Variants in KCTD7 observed in about 807,000 individuals in gnomAD.
KCTD7 encodes potassium channel tetramerization domain containing 7.
Under a neutral mutation model 27.0 loss-of-function variants are expected in KCTD7, and 15 were observed. The ratio of observed to expected loss-of-function variants is 0.56; its 90% CI spans 0.37 to 0.86. The LOEUF (loss-of-function observed/expected upper bound fraction) is 0.86, where lower values mean the gene tolerates loss of function less well. Among genes scored for constraint, KCTD7 ranks in the 40% least tolerant of loss-of-function variants. The pLI is 0.00. For synonymous variants in KCTD7, 159 were observed against 162.7 expected (o/e 0.98, Z 0.17); for missense variants, 299 against 398.9 (o/e 0.75, Z 2.13).
In KCTD7 at chr7:66,641,020, T is replaced by G. The variant is rs1235293936; in HGVS notation, c.*1788T>G. Reference sequence around the variant, plus strand: ...GACGGCAGTGATCTCCTGTTCCCTATGTGTAAACAAAGATTCCAGGGCGTG... The same window carrying G: ...GACGGCAGTGATCTCCTGTTCCCTAGGTGTAAACAAAGATTCCAGGGCGTG... On this transcript the variant is annotated 3_prime_UTR_variant, in exon 4 of 4. Transcript: ENST00000639828. 3 of 985,306 alleles carry G rather than the reference T, an allele frequency of 3.0e-6. No homozygotes were observed. The highest frequency in any genetic ancestry group is 1.7e-5 in the African/African-American group (1 of 57,206). The allele number at this position is 985,306 out of a possible 1,614,324, so 61.0% of individuals were successfully genotyped here.
In KCTD7 at chr7:66,639,266, G is replaced by T. The variant is rs749877863; in HGVS notation, c.*34G>T. The T allele has an allele frequency of 6.2e-7, 1 of 1,604,116 alleles. No homozygotes were observed. The highest frequency in any genetic ancestry group is 1.1e-5 in the South Asian group (1 of 91,042). On this transcript the variant is annotated 3_prime_UTR_variant, in exon 4 of 4. Transcript: ENST00000639828. ...GGTAGGCGAGAGTCCCATCAGGGAG[G>T]ATGTCCACCTTGCTTGGTGGCTCTG... is the stretch of plus-strand genomic sequence containing the variant.
chr7:66,633,593 A>ATATTTT, intron 2 of KCTD7, 149 bp downstream of exon 2: 3 of 635,572 alleles, frequency 4.7e-6, no homozygotes, highest in East Asian at 6.0e-5. Context: ...AAAGAGATCA[A>ATATTTT]TTTTTTTTTT....
At chr7:66,633,541 A>C (rs1786505405) in intron 2 of KCTD7, 97 bp downstream of exon 2, 1 of 1,140,282 alleles carries the variant, frequency 8.8e-7, no homozygotes, top group Non-Finnish European at 1.3e-6. Context: ...TACCTAGAAG[A>C]GGAGATAGCA....
intron 2 of KCTD7, among the ~76,000 whole-genome samples, chr7:66,633,891 G>A (rs1308132351): frequency 6.6e-6 from 1 of 151,802 alleles, no homozygotes; most frequent in Non-Finnish European, 1.5e-5. Context: ...AGGAAGCTGA[G>A]GTCGAAGAAT....
chr7:66,641,391 A>G lies in KCTD7; in HGVS notation c.*2159A>G, dbSNP rs995580760. 9.1e-6 allele frequency: 9 copies of G among 985,382 alleles called. No homozygotes were observed. In the East Asian group the frequency reaches 3.4e-4, roughly 37 times the overall value. 61.0% of individuals were successfully genotyped at this position (985,382 alleles called of 1,614,324 possible). On this transcript the variant is annotated 3_prime_UTR_variant, in exon 4 of 4. Coordinates refer to ENST00000639828, the MANE Select transcript of KCTD7 (RefSeq NM_153033.5). Reference sequence around the variant, plus strand: ...CATTGCTTTCAGTAATGTGGCCTTGACCCCTTCTGCTTCCCCCTTCTCCCA... The same window carrying G: ...CATTGCTTTCAGTAATGTGGCCTTGGCCCCTTCTGCTTCCCCCTTCTCCCA...
chr7:66,637,250 T>A (rs1786609114), intron 2 of KCTD7, among the ~76,000 whole-genome samples: 1 of 152,158 alleles, frequency 6.6e-6, no homozygotes, highest in Admixed American at 6.5e-5. Flanking sequence ...CATACCTGGC[T>A]AATTTTTGTA....
At chr7:66,629,992 C>T (rs1786411122) in intron 1 of KCTD7, among the ~76,000 whole-genome samples, 1 of 152,166 alleles carries the variant, frequency 6.6e-6, no homozygotes, top group Non-Finnish European at 1.5e-5. Context: ...GGAGAAGATA[C>T]CAGGCATGGT....
In KCTD7 at chr7:66,641,889, C is replaced by A; in HGVS notation, c.*2657C>A. The A allele has an allele frequency of 1.0e-6, 1 of 985,374 alleles. No homozygotes were observed. The highest frequency in any genetic ancestry group is 1.2e-6 in the Non-Finnish European group (1 of 829,916). 61.0% of individuals were successfully genotyped at this position (985,374 alleles called of 1,614,324 possible). A position where few individuals can be genotyped will look rare whatever the true frequency, so the allele number is the denominator to read the frequency against. ...CAACTCTAAATGGCCAGGCCCAGAA[C>A]AGAAGAAGGGTTGGGTCTGGAAGGA... On this transcript the variant is annotated 3_prime_UTR_variant, in exon 4 of 4. Coordinates refer to ENST00000639828, the MANE Select transcript of KCTD7 (RefSeq NM_153033.5).
At chr7:66,629,447 C>T (rs921008210) in intron 1 of KCTD7, among the ~76,000 whole-genome samples, 1 of 151,992 alleles carries the variant, frequency 6.6e-6, no homozygotes, top group African/African-American at 2.4e-5. Context: ...CACCCTCCGC[C>T]CAGTAGTCAC....
At chr7:66,635,597 A>T (rs917059201) in intron 2 of KCTD7, among the ~76,000 whole-genome samples, 2 of 149,624 alleles carry the variant, frequency 1.3e-5, no homozygotes, top group African/African-American at 5.0e-5. Context: ...AGTGCCCAGG[A>T]GGCAGAAACT....
rs148095742 is a variant in KCTD7, at chr7:66,642,657, A to G, written c.*3425A>G. On this transcript the variant is annotated 3_prime_UTR_variant, in exon 4 of 4. Transcript: ENST00000639828. The stretch of plus-strand genomic sequence containing the variant: ...ACATTATTAAGCTTTCTTGGGTACT[A>G]TTTTGCTGGGGCTCTTGCGTGAAGG... 1.4e-5 allele frequency: 14 copies of G among 985,284 alleles called. No homozygotes were observed. Among genetic ancestry groups the G allele is most frequent in the East Asian group, 1.1e-4 (1 of 8,812 alleles). The allele number at this position is 985,284 out of a possible 1,614,324, so 61.0% of individuals were successfully genotyped here.
chr7:66,629,045 C>T lies in KCTD7; in HGVS notation c.-20C>T, dbSNP rs920934895. On this transcript the variant is annotated 5_prime_UTR_variant, in exon 1 of 4. Transcript: ENST00000639828. ...GCCTCCGCCCGCCCGAAGCCGCGCC[C>T]ACTGCCCAGAGCCAGAGGGATGGTG... is the stretch of plus-strand genomic sequence containing the variant. The T allele has an allele frequency of 2.0e-6, 3 of 1,496,968 alleles. No individual in the cohort carries two copies. Among genetic ancestry groups the T allele is most frequent in the Non-Finnish European group, 1.8e-6 (2 of 1,121,264 alleles). The allele number at this position is 1,496,968 out of a possible 1,614,324, so 92.7% of individuals were successfully genotyped here.
At position 66,633,239 on chromosome 7, in the gene KCTD7, G is replaced by A. The variant is rs3764905; in HGVS notation, c.145-36G>A. 3.4e-4 allele frequency: 554 copies of A among 1,610,656 alleles called. 2 individuals carry two copies. The East Asian group carries it at 8.5e-3, about 25-fold the overall frequency. Reference sequence around the variant, plus strand: ...GGAGCAGCCCCAGCTCTCATTCCCCGTTGCCTGCCTGAGAGCCCTGGTGAT... The same window carrying A: ...GGAGCAGCCCCAGCTCTCATTCCCCATTGCCTGCCTGAGAGCCCTGGTGAT... On this transcript the variant is annotated intron_variant, in intron 1 of 3. Transcript: ENST00000639828.
In KCTD7 at chr7:66,642,992, G is replaced by C. The variant is rs1308506403; in HGVS notation, c.*3760G>C. Reference sequence around the variant, plus strand: ...TGAGTTCATGTACCTGTCTGTGAGTGCTTTGGTGTATTGAGCCTCAGTACA... The same window carrying C: ...TGAGTTCATGTACCTGTCTGTGAGTCCTTTGGTGTATTGAGCCTCAGTACA... On this transcript the variant is annotated 3_prime_UTR_variant, in exon 4 of 4. Transcript: ENST00000639828. The C allele has an allele frequency of 4.1e-6, 4 of 985,284 alleles. No homozygotes were observed. The highest frequency in any genetic ancestry group is 4.8e-6 in the Non-Finnish European group (4 of 829,940). 61.0% of individuals were successfully genotyped at this position (985,284 alleles called of 1,614,324 possible). A position where few individuals can be genotyped will look rare whatever the true frequency, so the allele number is the denominator to read the frequency against.
rs1277075733 is a variant in KCTD7 at position 66,639,680 on chromosome 7, T to A, written c.*448T>A. Reference sequence around the variant, plus strand: ...ATATTGGTGTGAACACGGAACATGATGGGGGATTTACCTGACCAGCCACCC... The same window carrying A: ...ATATTGGTGTGAACACGGAACATGAAGGGGGATTTACCTGACCAGCCACCC... On this transcript the variant is annotated 3_prime_UTR_variant, in exon 4 of 4. Coordinates refer to ENST00000639828, the MANE Select transcript of KCTD7 (RefSeq NM_153033.5). 1 of 1,264,894 alleles carries A rather than the reference T, an allele frequency of 7.9e-7. No homozygotes were observed. The highest frequency in any genetic ancestry group is 1.5e-5 in the African/African-American group (1 of 66,622). 78.4% of individuals were successfully genotyped at this position (1,264,894 alleles called of 1,614,324 possible). A position where few individuals can be genotyped will look rare whatever the true frequency, so the allele number is the denominator to read the frequency against.
chr7:66,638,188 A>G lies in KCTD7; in HGVS notation c.315-65A>G. ...TCTGGTTTTAGATTTTGTCCAATGC[A>G]CACTGTGTGGCACTGCCCAGGAGCA... On this transcript the variant is annotated intron_variant, in intron 2 of 3. Coordinates refer to ENST00000639828, the MANE Select transcript of KCTD7 (RefSeq NM_153033.5). The G allele has an allele frequency of 3.8e-6, 6 of 1,560,158 alleles. No individual in the cohort carries two copies. In the South Asian group the frequency reaches 6.7e-5, roughly 17 times the overall value.
chr7:66,633,780 A>G (rs914578354), intron 2 of KCTD7, among the ~76,000 whole-genome samples: 3 of 151,916 alleles, frequency 2.0e-5, no homozygotes, highest in African/African-American at 7.3e-5. Flanking sequence ...TGAGGCCAGG[A>G]GTTCCAGACC....
At chr7:66,632,885 A>AAAT (rs1554397724) in intron 1 of KCTD7, among the ~76,000 whole-genome samples, 6 of 149,544 alleles carry the variant, frequency 4.0e-5, no homozygotes, top group South Asian at 4.2e-4. Context: ...CTACTAAAAA[A>AAAT]ATATATATAT....
chr7:66,637,055 G>T (rs1786602566), intron 2 of KCTD7, among the ~76,000 whole-genome samples: 1 of 152,174 alleles, frequency 6.6e-6, no homozygotes, highest in African/African-American at 2.4e-5. Flanking sequence ...ATACTTAAAA[G>T]AAATTTGTGC....
Sources: allele counts gnomAD v4.1 joint callset (sites outside exome capture counted in the v4.1 genomes callset), GRCh38; gene constraint gnomAD v4.1.1; transcripts MANE v1.5; gene names NCBI Gene and HGNC (gene_info 2026-07-23, HGNC 2026-07-21).